The following ZNF99 variants were observed in gnomAD, a reference collection of about 807,000 sequenced individuals.
ZNF99 encodes the protein zinc finger protein 99.
A neutral mutation model predicts 12.8 loss-of-function variants in ZNF99; 8 were observed. The ratio of observed to expected loss-of-function variants is 0.62; its 90% CI spans 0.37 to 1.13. The LOEUF (loss-of-function observed/expected upper bound fraction) is 1.13, where lower values mean the gene tolerates loss of function less well. Among genes scored for constraint, ZNF99 ranks in the 50% most tolerant of loss-of-function variants. The pLI, the probability that ZNF99 is intolerant of heterozygous loss-of-function variation, is 0.02. For synonymous variants in ZNF99, 318 were observed against 319.0 expected, an observed-to-expected ratio of 1.00 and a Z score of 0.03; for missense variants, 1,007 against 1,006.2, an observed-to-expected ratio of 1.00 and a Z score of -0.01.
Position 22,759,195 on chromosome 19 carries a change from A to T in ZNF99, c.714T>A (p.Phe238Leu), listed in dbSNP as rs771488776. 22 of 1,581,200 alleles carry T rather than the reference A, an allele frequency of 1.4e-5. No individual in the cohort carries two copies. Among genetic ancestry groups the T allele is most frequent in the Admixed American group, 1.8e-5 (1 of 54,368 alleles). ...ATTTAGTGAACATTGAAGAGATGTT[A>T]AAAGCTTTGCCACATTTCTTATATT... Reference protein sequence around the residue: ...PYKYKKCGKAFNISSMFTKCK... With the variant: ...PYKYKKCGKALNISSMFTKCK... Residue 238 changes from phenylalanine to leucine, a missense_variant, in exon 4 of 4, where the codon TTT (phenylalanine) becomes TTA (leucine). Coordinates refer to ENST00000596209, the MANE Select transcript of ZNF99 (RefSeq NM_001080409.3).
chr19:22,764,694 C>A (rs1158085191), intron 3 of ZNF99, among the ~76,000 whole-genome samples: 3 of 151,576 alleles, frequency 2.0e-5, no homozygotes, highest in Non-Finnish European at 4.4e-5. Flanking sequence ...CAATTTTCAA[C>A]AGAAGATATA....
intron 3 of ZNF99, among the ~76,000 whole-genome samples, chr19:22,766,885 A>G (rs1018651149): frequency 2.3e-4 from 34 of 150,170 alleles, no homozygotes; most frequent in Admixed American, 1.0e-3. Flanking sequence ...TCCCAACCTC[A>G]GGTGATCCGC....
chr19:22,770,040 T>A, intron 1 of ZNF99: 1 of 1,289,304 alleles, frequency 7.8e-7, no homozygotes. Context: ...GAGATCTTGT[T>A]AAGCATATTT....
intron 3 of ZNF99, among the ~76,000 whole-genome samples, chr19:22,764,064 G>A (rs1973179102): frequency 6.6e-6 from 1 of 151,546 alleles, no homozygotes; most frequent in Admixed American, 6.6e-5. Context: ...GCCTGCCACT[G>A]CACCTGGCTA....
intron 1 of ZNF99, among the ~76,000 whole-genome samples, chr19:22,782,073 G>T (rs1973393854): frequency 1.3e-5 from 2 of 152,036 alleles, no homozygotes; most frequent in Non-Finnish European, 2.9e-5. Flanking sequence ...ACCATCCAAT[G>T]CTTTGTTAAA....
At chr19:22,763,207 GGAT>G (rs1331162712) in intron 3 of ZNF99, among the ~76,000 whole-genome samples, 1 of 152,096 alleles carries the variant, frequency 6.6e-6, no homozygotes, top group Non-Finnish European at 1.5e-5. Flanking sequence ...CACTGTTTGC[GGAT>G]GATATGATTG....
chr19:22,774,855 G>A (rs1973308388), intron 1 of ZNF99, among the ~76,000 whole-genome samples: 1 of 152,048 alleles, frequency 6.6e-6, no homozygotes, highest in Non-Finnish European at 1.5e-5. Context: ...GGGCGACAGA[G>A]CGAGGATCTG....
At chr19:22,761,056 A>G (rs1292606260) in intron 3 of ZNF99, among the ~76,000 whole-genome samples, 5 of 151,972 alleles carry the variant, frequency 3.3e-5, no homozygotes, top group Non-Finnish European at 5.9e-5. Context: ...TAATTATTAT[A>G]ATGTATATGG....
intron 1 of ZNF99, among the ~76,000 whole-genome samples, chr19:22,779,071 G>A (rs1450416567): frequency 6.6e-6 from 1 of 151,798 alleles, no homozygotes; most frequent in Non-Finnish European, 1.5e-5. Flanking sequence ...CTGGTAAATA[G>A]CTGTGATTAA....
At chr19:22,775,554 C>T (rs1232843412) in intron 1 of ZNF99, among the ~76,000 whole-genome samples, 1 of 149,570 alleles carries the variant, frequency 6.7e-6, no homozygotes, top group Non-Finnish European at 1.5e-5. Flanking sequence ...TAAAAACTGA[C>T]AAATGGGACC....
Position 22,752,780 on chromosome 19 carries a change from T to C in ZNF99, c.*4534A>G, listed in dbSNP as rs1346800629. 6.6e-6 allele frequency: 1 copy of C among 151,822 alleles called. No individual in the cohort carries two copies. The highest frequency in any genetic ancestry group is 2.4e-5 in the African/African-American group (1 of 41,144). 9.4% of individuals were successfully genotyped at this position (151,822 alleles called of 1,614,324 possible). ...AAATTTATGAATGTACTACATTACA[T>C]AAAAGCACAACTAATATAATACATC... On this transcript the variant is annotated 3_prime_UTR_variant, in exon 4 of 4. Coordinates refer to ENST00000596209, the MANE Select transcript of ZNF99 (RefSeq NM_001080409.3).
intron 3 of ZNF99, among the ~76,000 whole-genome samples, chr19:22,766,801 G>A (rs1401964820): frequency 6.6e-6 from 1 of 151,434 alleles, no homozygotes; most frequent in African/African-American, 2.4e-5. Flanking sequence ...ACAGGCATGC[G>A]CCACCACGCC....
At chr19:22,775,745 C>G (rs1973318388) in intron 1 of ZNF99, among the ~76,000 whole-genome samples, 1 of 152,224 alleles carries the variant, frequency 6.6e-6, no homozygotes, top group Non-Finnish European at 1.5e-5. Flanking sequence ...CAAAACGCAG[C>G]CAGGCGCGGT....
At position 22,754,450 on chromosome 19, in the gene ZNF99, T is replaced by C; in HGVS notation, c.*2864A>G. The stretch of plus-strand genomic sequence containing the variant: ...AAATTATCTTATGTGTAATAAGGGT[T>C]GAAATGTTTTTAAAGCTTTTGTCAC... On this transcript the variant is annotated 3_prime_UTR_variant, in exon 4 of 4. Coordinates refer to ENST00000596209, the MANE Select transcript of ZNF99 (RefSeq NM_001080409.3). 2.5e-6 allele frequency: 1 copy of C among 406,948 alleles called. No homozygotes were observed. The highest frequency in any genetic ancestry group is 1.8e-5 in the South Asian group (1 of 55,168). 25.2% of individuals were successfully genotyped at this position (406,948 alleles called of 1,614,324 possible). A position where few individuals can be genotyped will look rare whatever the true frequency, so the allele number is the denominator to read the frequency against.
chr19:22,764,851 G>T (rs1720801299), intron 3 of ZNF99, among the ~76,000 whole-genome samples: 1 of 152,170 alleles, frequency 6.6e-6, no homozygotes, highest in South Asian at 2.1e-4. Flanking sequence ...TGTTGGTGTG[G>T]ATGTGGTGAT....
In ZNF99 at chr19:22,759,658, T is replaced by G; in HGVS notation, c.251A>C (p.Asp84Ala). 1 of 1,550,698 alleles carries G rather than the reference T, an allele frequency of 6.4e-7. No homozygotes were observed. Among genetic ancestry groups the G allele is most frequent in the South Asian group, 1.3e-5 (1 of 79,172 alleles). The change falls in exon 4 of 4, where the codon GAC becomes GCC. Residue 84 changes from aspartate to alanine, a missense_variant. Asp to Ala is a moderately radical substitution (Grantham distance 126). Coordinates refer to ENST00000596209, the MANE Select transcript of ZNF99 (RefSeq NM_001080409.3). Reference sequence around the variant, plus strand: ...TTTTATGCTCTGATCTGGCCAAAAGTCTTGTGTAAAATGAGAACTAATAAC... The same window carrying G: ...TTTTATGCTCTGATCTGGCCAAAAGGCTTGTGTAAAATGAGAACTAATAAC... ...PPVISSHFTQ[D>A]FWPDQSIKDS...
chr19:22,784,118 A>C lies in ZNF99; in HGVS notation c.-102T>G. On this transcript the variant is annotated 5_prime_UTR_variant, in exon 1 of 4. Coordinates refer to ENST00000596209, the MANE Select transcript of ZNF99 (RefSeq NM_001080409.3). ...AAGGACACAGAGCAGTAAAAACGAG[A>C]TCCGGAGCTCCAGCTGGAACCAGAA... The C allele has an allele frequency of 7.4e-7, 1 of 1,354,292 alleles. No homozygotes were observed. 83.9% of individuals were successfully genotyped at this position (1,354,292 alleles called of 1,614,324 possible). A position where few individuals can be genotyped will look rare whatever the true frequency, so the allele number is the denominator to read the frequency against.
At chr19:22,778,893 G>A (rs1973356867) in intron 1 of ZNF99, among the ~76,000 whole-genome samples, 1 of 152,000 alleles carries the variant, frequency 6.6e-6, no homozygotes, top group Non-Finnish European at 1.5e-5. Context: ...TGTAATCCCA[G>A]CTACTCAGGA....
chr19:22,766,440 G>C (rs988033206), intron 3 of ZNF99, among the ~76,000 whole-genome samples: 3 of 151,152 alleles, frequency 2.0e-5, no homozygotes, highest in African/African-American at 7.3e-5. Flanking sequence ...CTGGGTTCAA[G>C]TGATTCTCCT....
Sources: allele counts gnomAD v4.1 joint callset (sites outside exome capture counted in the v4.1 genomes callset), GRCh38; gene constraint gnomAD v4.1.1; transcripts MANE v1.5; gene names NCBI Gene and HGNC (gene_info 2026-07-23, HGNC 2026-07-21).